RTP3: variants seen among roughly 807,000 people sequenced by gnomAD.
RTP3 encodes receptor transporter protein 3.
In RTP3, 2 loss-of-function variants were observed where a neutral mutation model predicts 6.2. The ratio of observed to expected loss-of-function variants is 0.32; its 90% CI spans 0.13 to 1.02. RTP3 has a LOEUF of 1.02. Among genes scored for constraint, RTP3 ranks in the 50% least tolerant of loss-of-function variants. The probability of loss-of-function intolerance (pLI) is 0.47; values close to 1 mark genes in which losing one functional copy is unlikely to be tolerated. For missense variants in RTP3, 252 were observed against 280.8 expected (o/e 0.90, Z 0.73); for synonymous variants, 106 against 98.3 (o/e 1.08, Z -0.47).
intron 1 of RTP3, among the ~76,000 whole-genome samples, chr3:46,498,534 C>T (rs1015073283): frequency 1.3e-5 from 2 of 152,280 alleles, no homozygotes; most frequent in South Asian, 4.1e-4. Flanking sequence ...ACGGGCGGTG[C>T]ATGTGCCCCA....
At chr3:46,499,363 C>T (rs905374141) in intron 1 of RTP3, among the ~76,000 whole-genome samples, 8 of 152,240 alleles carry the variant, frequency 5.3e-5, no homozygotes, top group Admixed American at 4.6e-4. Context: ...CTTCTGTGAC[C>T]ATATCTGGAA....
chr3:46,498,112 G>C lies in RTP3; in HGVS notation c.50G>C (p.Arg17Pro), dbSNP rs755551206. 3 of 1,614,074 alleles carry C rather than the reference G, an allele frequency of 1.9e-6. No homozygotes were observed. The highest frequency in any genetic ancestry group is 2.5e-6 in the Non-Finnish European group (3 of 1,180,044). ...VWKQMFQELM[R>P]EVKPWHRWTL... ...AAGCAAATGTTTCAGGAGTTAATGC[G>C]GGAGGTGAAGCCATGGCACAGGTGG... The change falls in exon 1 of 2, where the codon CGG becomes CCG. Residue 17 changes from arginine to proline, a missense_variant. By Grantham distance (103) the Arg-to-Pro change is moderately radical (BLOSUM62 -2). Transcript: ENST00000296142.
intron 1 of RTP3, among the ~76,000 whole-genome samples, chr3:46,498,514 T>G (rs1416059937): frequency 6.6e-6 from 1 of 152,132 alleles, no homozygotes; most frequent in Non-Finnish European, 1.5e-5. Context: ...GAAGGGCAGC[T>G]GTTGCACCCA....
rs1258273935 is a variant in RTP3 at position 46,500,873 on chromosome 3, G to A, written c.673G>A (p.Val225Met). The change falls in exon 2 of 2, where the codon GTG (valine) becomes ATG (methionine). Residue 225 changes from valine (V) to methionine (M), a missense_variant. By Grantham distance (21) the Val-to-Met change is conservative (BLOSUM62 1). Coordinates refer to ENST00000296142, the MANE Select transcript of RTP3 (RefSeq NM_031440.2). The stretch of plus-strand genomic sequence containing the variant: ...TTGTGTCATTCTCATTGTTATCGTG[G>A]TGATTGTTGTAAAAACTGCTATATG... ...CCCVILIVIV[V>M]IVVKTAI is the part of the protein sequence containing the mutation. 1.3e-6 allele frequency: 2 copies of A among 1,583,062 alleles called. No homozygotes were observed. The highest frequency in any genetic ancestry group is 1.7e-6 in the Non-Finnish European group (2 of 1,167,488).
At chr3:46,498,810 G>A (rs979871602) in intron 1 of RTP3, among the ~76,000 whole-genome samples, 14 of 152,366 alleles carry the variant, frequency 9.2e-5, no homozygotes, top group South Asian at 4.1e-4. Context: ...GGTGGAGGCC[G>A]GGTCCCACCC....
At chr3:46,498,304 G>T (rs1275659680) in intron 1 of RTP3, 87 bp downstream of exon 1, 1 of 1,459,074 alleles carries the variant, frequency 6.9e-7, no homozygotes, top group Admixed American at 1.8e-5. Context: ...GTTCTATTCT[G>T]TGCTTTCAAA....
chr3:46,499,556 T>C (rs1420897286), intron 1 of RTP3, among the ~76,000 whole-genome samples: 1 of 152,210 alleles, frequency 6.6e-6, no homozygotes, highest in African/African-American at 2.4e-5. Context: ...GCCATGTGCT[T>C]CCTGCCTTCT....
rs112257688 is a variant in RTP3, at chr3:46,498,170, C to T, written c.108C>T (p.Asn36=). ...GACCAGACAAGGGCCTTCTTCCCAA[C>T]GTCCTGAAGCCAGGCTGGATGCAAT... ...TLRPDKGLLP[N]VLKPGWMQYQ... is the part of the protein sequence containing the mutation. Residue 36 remains asparagine, a synonymous_variant, in exon 1 of 2, where the codon AAC becomes AAT. Transcript: ENST00000296142. 793 of 1,614,224 alleles carry T rather than the reference C, an allele frequency of 4.9e-4. 3 individuals are homozygous for T. The African/African-American group carries it at 9.6e-3, about 19-fold the overall frequency.
At chr3:46,499,216 C>T (rs921779251) in intron 1 of RTP3, among the ~76,000 whole-genome samples, 16 of 152,364 alleles carry the variant, frequency 1.1e-4, no homozygotes, top group African/African-American at 3.8e-4. Flanking sequence ...CACCTGCAGC[C>T]TAATTTCTCT....
chr3:46,498,268 T>C, intron 1 of RTP3, 51 bp downstream of exon 1: 1 of 1,594,924 alleles, frequency 6.3e-7, no homozygotes, highest in East Asian at 2.2e-5. Flanking sequence ...GCACATTTCT[T>C]ACTAGGTATA....
rs984083640 is a variant in RTP3, at chr3:46,500,232, A to T, written c.156-124A>T. The T allele has an allele frequency of 8.6e-6, 9 of 1,045,142 alleles. No individual in the cohort carries two copies. The African/African-American group carries it at 1.4e-4, about 17-fold the overall frequency. 64.7% of individuals were successfully genotyped at this position (1,045,142 alleles called of 1,614,324 possible). ...GAAAGAGGTCTTAGCAATTTCTTCC[A>T]CCACTGAGCCACAGCCCCAGTCAAG... On this transcript the variant is annotated intron_variant, in intron 1 of 1. Coordinates refer to ENST00000296142, the MANE Select transcript of RTP3 (RefSeq NM_031440.2).
At chr3:46,500,112 C>A (rs1018013895) in intron 1 of RTP3, among the ~76,000 whole-genome samples, 1 of 152,096 alleles carries the variant, frequency 6.6e-6, no homozygotes, top group Non-Finnish European at 1.5e-5. Context: ...TTAGAAGATG[C>A]CCAAGGTCCC....
intron 1 of RTP3, 37 bp from the exon 2 acceptor site, chr3:46,500,319 C>A: frequency 6.4e-7 from 1 of 1,551,640 alleles, no homozygotes; most frequent in South Asian, 1.3e-5. Flanking sequence ...GATTTGGTCA[C>A]ATGGAGCCAG....
intron 1 of RTP3, among the ~76,000 whole-genome samples, 175 bp from the exon 2 acceptor site, chr3:46,500,181 G>T (rs1437184927): frequency 1.3e-5 from 2 of 152,208 alleles, no homozygotes; most frequent in East Asian, 3.8e-4. Flanking sequence ...GCAGCATGCA[G>T]TGTGTCAGTG....
At chr3:46,500,271 C>T (rs879297437) in intron 1 of RTP3, 85 bp from the exon 2 acceptor site, 27 of 1,420,430 alleles carry the variant, frequency 1.9e-5, no homozygotes, top group Admixed American at 2.3e-5. Context: ...TGTCTCTGTG[C>T]AGTCGGTAGC....
Position 46,498,148 on chromosome 3 carries a change from C to T in RTP3, c.86C>T (p.Pro29Leu), listed in dbSNP as rs372668361. 4 of 1,614,090 alleles carry T rather than the reference C, an allele frequency of 2.5e-6. No individual in the cohort carries two copies. The African/African-American group carries it at 4.0e-5, about 16-fold the overall frequency. Residue 29 changes from proline (P) to leucine (L), a missense_variant, in exon 1 of 2, where the codon CCA (proline) becomes CTA (leucine). Pro to Leu is a moderately conservative substitution (Grantham distance 98). Coordinates refer to ENST00000296142, the MANE Select transcript of RTP3 (RefSeq NM_031440.2). The stretch of plus-strand genomic sequence containing the variant: ...CCATGGCACAGGTGGACCCTGAGAC[C>T]AGACAAGGGCCTTCTTCCCAACGTC... The part of the protein sequence containing the change: ...VKPWHRWTLR[P>L]DKGLLPNVLK...
Position 46,498,317 on chromosome 3 carries a change from G to A in RTP3, c.155+100G>A, listed in dbSNP as rs150668736. ...TTGTTCTATTCTGTGCTTTCAAATTGAAGACTATGGGTAATAAGATGCCCA... is the reference window on the plus strand; with the variant it reads ...TTGTTCTATTCTGTGCTTTCAAATTAAAGACTATGGGTAATAAGATGCCCA... On this transcript the variant is annotated intron_variant, in intron 1 of 1. Coordinates refer to ENST00000296142, the MANE Select transcript of RTP3 (RefSeq NM_031440.2). 7.5e-4 allele frequency: 979 copies of A among 1,313,876 alleles called. 1 individual carries two copies. The highest frequency in any genetic ancestry group is 5.1e-3 in the African/African-American group (349 of 69,024). 81.4% of individuals were successfully genotyped at this position (1,313,876 alleles called of 1,614,324 possible). A position where few individuals can be genotyped will look rare whatever the true frequency, so the allele number is the denominator to read the frequency against.
At chr3:46,499,436 G>A (rs1028375406) in intron 1 of RTP3, among the ~76,000 whole-genome samples, 3 of 152,186 alleles carry the variant, frequency 2.0e-5, no homozygotes, top group Non-Finnish European at 2.9e-5. Context: ...CCAGCCTCAC[G>A]GCAAAGGGGC....
rs200922456 is a variant in RTP3, at chr3:46,500,379, G to C, written c.179G>C (p.Arg60Pro). 1 of 1,612,014 alleles carries C rather than the reference G, an allele frequency of 6.2e-7. No individual in the cohort carries two copies. The highest frequency in any genetic ancestry group is 8.5e-7 in the Non-Finnish European group (1 of 1,179,306). ...AGGTTCCAGTGCTCCTCCTGCTCTC[G>C]TAACTGGGCCTCTGCCCAAGTTCTG... ...FARFQCSSCS[R>P]NWASAQVLVL... Residue 60 changes from arginine (R) to proline (P), a missense_variant, in exon 2 of 2, where the codon CGT (arginine) becomes CCT (proline). By Grantham distance (103) the Arg-to-Pro change is moderately radical (BLOSUM62 -2). Coordinates refer to ENST00000296142, the MANE Select transcript of RTP3 (RefSeq NM_031440.2).
Sources: allele counts gnomAD v4.1 joint callset (sites outside exome capture counted in the v4.1 genomes callset), GRCh38; gene constraint gnomAD v4.1.1; transcripts MANE v1.5; gene names NCBI Gene and HGNC (gene_info 2026-07-23, HGNC 2026-07-21).